Variants in NALF1 observed in about 807,000 individuals in gnomAD.
The protein encoded by NALF1 is NALCN channel auxiliary factor 1.
In NALF1, 3 loss-of-function variants were observed where a neutral mutation model predicts 48.4. The ratio of observed to expected loss-of-function variants is 0.06; its 90% CI spans 0.03 to 0.16. NALF1 has a LOEUF of 0.16. Among genes scored for constraint, NALF1 ranks in the 10% least tolerant of loss-of-function variants. The pLI is 1.00. For missense variants in NALF1, 526 were observed against 571.5 expected, an observed-to-expected ratio of 0.92 and a Z score of 0.81; for synonymous variants, 262 against 245.7, an observed-to-expected ratio of 1.07 and a Z score of -0.62.
intron 1 of NALF1, among the ~76,000 whole-genome samples, chr13:107,381,200 TAG>T (rs948869782): frequency 1.4e-5 from 2 of 147,648 alleles, no homozygotes; most frequent in African/African-American, 5.0e-5. Flanking sequence ...AAGAAAAAAA[TAG>T]AGTTTTTTTT....
chr13:107,604,090 C>CA (rs1179221431), intron 1 of NALF1, among the ~76,000 whole-genome samples: 3 of 151,982 alleles, frequency 2.0e-5, no homozygotes, highest in Non-Finnish European at 4.4e-5. Context: ...TCTAAGCCAT[C>CA]AAAAAAAGCA....
chr13:107,729,304 A>G (rs565006621), intron 1 of NALF1, among the ~76,000 whole-genome samples: 2 of 152,316 alleles, frequency 1.3e-5, no homozygotes, highest in African/African-American at 4.8e-5. Context: ...AGTGCCAATT[A>G]CTGACCTAAT....
At chr13:107,395,583 T>C (rs1883698848) in intron 1 of NALF1, among the ~76,000 whole-genome samples, 1 of 152,122 alleles carries the variant, frequency 6.6e-6, no homozygotes, top group East Asian at 1.9e-4. Flanking sequence ...ATTAGGGCTT[T>C]GGTTGGACAG....
At chr13:107,506,958 A>G (rs375928677) in intron 1 of NALF1, among the ~76,000 whole-genome samples, 1 of 152,050 alleles carries the variant, frequency 6.6e-6, no homozygotes, top group East Asian at 1.9e-4. Flanking sequence ...TTTAAAAACT[A>G]TTATATAATT....
At chr13:107,247,819 CA>C (rs141355436) in intron 1 of NALF1, among the ~76,000 whole-genome samples, 2,062 of 152,212 alleles carry the variant, frequency 0.014, 38 homozygotes, top group African/African-American at 0.047. Flanking sequence ...ATAATAACAA[CA>C]AAACCCCTCT....
intron 1 of NALF1, among the ~76,000 whole-genome samples, chr13:107,664,773 C>T (rs1880814072): frequency 1.3e-5 from 2 of 152,074 alleles, no homozygotes; most frequent in South Asian, 2.1e-4. Context: ...CAGTGAGATA[C>T]TATACATTCA....
chr13:107,343,982 C>G (rs1882729410), intron 1 of NALF1, among the ~76,000 whole-genome samples: 1 of 151,116 alleles, frequency 6.6e-6, no homozygotes, highest in African/African-American at 2.4e-5. Flanking sequence ...AGGGAAGACT[C>G]AAGTAACTAA....
chr13:107,397,318 G>A (rs578011555), intron 1 of NALF1, among the ~76,000 whole-genome samples: 28 of 152,264 alleles, frequency 1.8e-4, no homozygotes, highest in Non-Finnish European at 3.4e-4. Context: ...ATTACTTAGA[G>A]ATGCTCCAGG....
chr13:107,847,043 T>TA lies in NALF1; in HGVS notation c.915+18638dup, dbSNP rs1198379057. ...TATAATGACAGCAAATTTCTTAAAT[T>TA]AAAAAAAATTAAAGGCAAACTTTAG... On this transcript the variant is annotated intron_variant, in intron 1 of 2. Coordinates refer to ENST00000375915, the MANE Select transcript of NALF1 (RefSeq NM_001080396.3). Among the ~76,000 whole-genome samples, 20 of 152,122 alleles carry TA rather than the reference T, an allele frequency of 1.3e-4. 1 individual carries two copies. The highest frequency in any genetic ancestry group is 1.9e-4 in the East Asian group (1 of 5,176).
At chr13:107,403,813 G>T (rs923915122) in intron 1 of NALF1, among the ~76,000 whole-genome samples, 5 of 151,694 alleles carry the variant, frequency 3.3e-5, no homozygotes, top group Non-Finnish European at 7.4e-5. Flanking sequence ...AAGCAGAAAC[G>T]TCTTCTTTCT....
chr13:107,608,924 G>C (rs1879147041), intron 1 of NALF1, among the ~76,000 whole-genome samples: 1 of 152,182 alleles, frequency 6.6e-6, no homozygotes, highest in Non-Finnish European at 1.5e-5. Flanking sequence ...TGGGACACCT[G>C]TGCTGGGCCG....
intron 1 of NALF1, among the ~76,000 whole-genome samples, chr13:107,557,397 G>A (rs1877511691): frequency 6.6e-6 from 1 of 152,118 alleles, no homozygotes; most frequent in East Asian, 1.9e-4. Context: ...CTTTGGAAAG[G>A]GGATGGGGTG....
intron 2 of NALF1, among the ~76,000 whole-genome samples, chr13:107,195,967 G>A (rs1879381872): frequency 6.6e-6 from 1 of 152,144 alleles, no homozygotes; most frequent in South Asian, 2.1e-4. Context: ...ATAGTATGCA[G>A]CCATAAAAAA....
chr13:107,523,372 T>A (rs1233843934), intron 1 of NALF1, among the ~76,000 whole-genome samples: 6 of 152,206 alleles, frequency 3.9e-5, no homozygotes, highest in South Asian at 2.1e-4. Context: ...AAATTTTTTT[T>A]AATTTTATTA....
intron 1 of NALF1, among the ~76,000 whole-genome samples, chr13:107,471,402 G>A (rs1391968956): frequency 3.3e-5 from 5 of 152,142 alleles, no homozygotes; most frequent in Admixed American, 2.6e-4. Flanking sequence ...GGAGGGATGG[G>A]GTTTGCAGTT....
chr13:107,816,825 A>G (rs979512562), intron 1 of NALF1, among the ~76,000 whole-genome samples: 3 of 152,166 alleles, frequency 2.0e-5, no homozygotes, highest in African/African-American at 7.2e-5. Context: ...CCTGATTCGT[A>G]GACCTCTCTC....
chr13:107,782,515 T>C (rs1471547142), intron 1 of NALF1, among the ~76,000 whole-genome samples: 7 of 148,562 alleles, frequency 4.7e-5, no homozygotes, highest in African/African-American at 1.5e-4. Context: ...TGGCCGCCCA[T>C]CGTTTGGGAT....
chr13:107,440,663 G>T (rs1160285105), intron 1 of NALF1, among the ~76,000 whole-genome samples: 1 of 152,148 alleles, frequency 6.6e-6, no homozygotes, highest in African/African-American at 2.4e-5. Flanking sequence ...GATTCTGCAC[G>T]TGTTTTTGTG....
chr13:107,673,693 A>G (rs1307122937), intron 1 of NALF1, among the ~76,000 whole-genome samples: 4 of 152,192 alleles, frequency 2.6e-5, no homozygotes, highest in Non-Finnish European at 5.9e-5. Flanking sequence ...TGTTCTTGAC[A>G]TGAAGAAATG....
Sources: allele counts gnomAD v4.1 joint callset (sites outside exome capture counted in the v4.1 genomes callset), GRCh38; gene constraint gnomAD v4.1.1; transcripts MANE v1.5; gene names NCBI Gene and HGNC (gene_info 2026-07-23, HGNC 2026-07-21).